Variants in DMD observed in about 807,000 individuals in gnomAD.
DMD encodes the protein dystrophin.
A neutral mutation model predicts 330.1 loss-of-function variants in DMD; 63 were observed. That is an observed-to-expected ratio of 0.19 (90% CI 0.16 to 0.24). The LOEUF is 0.24. DMD is among the 10% of genes least tolerant of loss of function. DMD has a pLI of 1.00. For synonymous variants in DMD, 1,223 were observed against 959.8 expected, an observed-to-expected ratio of 1.27 and a Z score of -5.07; for missense variants, 3,344 against 2,684.1, an observed-to-expected ratio of 1.25 and a Z score of -5.43.
chrX:32,171,279 C>T (rs1005368664), intron 44 of DMD, among the ~76,000 whole-genome samples: 13 of 111,475 alleles, frequency 1.2e-4, no homozygotes, highest in South Asian at 3.8e-4. Context: ...TCTGTTAATA[C>T]GGCTGACACA....
intron 9 of DMD, among the ~76,000 whole-genome samples, chrX:32,687,765 G>T (rs547404453): frequency 9.0e-6 from 1 of 110,912 alleles, no homozygotes; most frequent in South Asian, 3.9e-4. Context: ...AACGAATGTT[G>T]TTTTTATAAG....
In DMD at chrX:32,089,045, G is replaced by C. The variant is rs1286522486; in HGVS notation, c.6439-120531C>G. 2.1e-4 allele frequency among the ~76,000 whole-genome samples: 23 copies of C among 111,643 alleles called. No homozygotes were observed. In the Admixed American group the frequency reaches 2.2e-3, roughly 11 times the overall value. ...ATATTTAGGTATCCCTTTGCTTAAA[G>C]ACAAAGTATTTGTTATTGGAATTGA... On this transcript the variant is annotated intron_variant, in intron 44 of 78. Transcript: ENST00000357033.
chrX:32,463,408 G>C, intron 25 of DMD, 31 bp downstream of exon 25: 1 of 1,162,878 alleles, frequency 8.6e-7, no homozygotes, highest in Middle Eastern at 2.4e-4. Context: ...AGTACGTTGA[G>C]GCAAGCCACA....
chrX:31,799,827 T>C (rs1357676230), intron 50 of DMD, among the ~76,000 whole-genome samples: 1 of 112,183 alleles, frequency 8.9e-6, no homozygotes, highest in African/African-American at 3.2e-5. Context: ...CTGTTCCGAA[T>C]GGGAGAAATT....
At chrX:31,692,861 C>T (rs2404957) in intron 52 of DMD, among the ~76,000 whole-genome samples, 46,487 of 110,238 alleles carry the variant, frequency 0.42, 7,981 homozygotes, top group African/African-American at 0.62. Context: ...GAAGACCTAA[C>T]ACAAATCTTT....
chrX:32,324,323 C>T (rs12394015), intron 41 of DMD, among the ~76,000 whole-genome samples: 1,861 of 110,899 alleles, frequency 0.017, 42 homozygotes, highest in African/African-American at 0.056. Context: ...ATGCACACTC[C>T]ATCTATAGGC....
intron 5 of DMD, among the ~76,000 whole-genome samples, chrX:32,819,005 G>GT (rs55923814): frequency 0.11 from 7,543 of 69,774 alleles, 722 homozygotes; most frequent in African/African-American, 0.26. Context: ...TTCTACAGGT[G>GT]TTTTTTTTTT....
intron 9 of DMD, among the ~76,000 whole-genome samples, chrX:32,646,173 C>T (rs762966058): frequency 6.7e-4 from 75 of 111,588 alleles, no homozygotes; most frequent in South Asian, 1.1e-3. Flanking sequence ...GATTTGCATG[C>T]TATAGGAACC....
At position 32,343,291 on chromosome X, in the gene DMD, T is replaced by A. The variant is rs1302405925; in HGVS notation, c.5587-5A>T. 1 of 1,196,424 alleles carries A rather than the reference T, an allele frequency of 8.4e-7. No homozygotes were observed. The highest frequency in any genetic ancestry group is 1.1e-6 in the Non-Finnish European group (1 of 883,368). Reference sequence around the variant, plus strand: ...TCTTCTTTGAGACCTCAAATCCTGTTCATGGTGCAGACATTATTAAAATAT... The same window carrying A: ...TCTTCTTTGAGACCTCAAATCCTGTACATGGTGCAGACATTATTAAAATAT... On this transcript the variant is annotated splice_region_variant and splice_polypyrimidine_tract_variant and intron_variant, in intron 39 of 78. Coordinates refer to ENST00000357033, the MANE Select transcript of DMD (RefSeq NM_004006.3).
intron 9 of DMD, among the ~76,000 whole-genome samples, chrX:32,662,877 C>T (rs1466641976): frequency 2.7e-5 from 3 of 111,949 alleles, no homozygotes; most frequent in Admixed American, 1.9e-4. Context: ...TTAATGTATA[C>T]TGTGGCAATT....
intron 60 of DMD, among the ~76,000 whole-genome samples, chrX:31,351,746 C>CAAAAAAAAAAAAAAAAAAAA (rs1300313892): frequency 2.8e-5 from 2 of 71,556 alleles, no homozygotes; most frequent in African/African-American, 1.1e-4. Context: ...AAAAAAAAAG[C>CAAAAAAAAAAAAAAAAAAAA]AAAAAAGGAG....
intron 7 of DMD, among the ~76,000 whole-genome samples, chrX:32,796,882 A>G (rs954402864): frequency 8.9e-6 from 1 of 112,120 alleles, no homozygotes; most frequent in Non-Finnish European, 1.9e-5. Flanking sequence ...TTTCCCTCTT[A>G]TAAGATTTAA....
intron 60 of DMD, among the ~76,000 whole-genome samples, chrX:31,416,921 TCTC>T (rs2061900542): frequency 1.8e-5 from 2 of 112,094 alleles, no homozygotes; most frequent in African/African-American, 6.5e-5. Context: ...GATTTTCTAA[TCTC>T]CTCATTTATA....
chrX:32,160,183 T>C (rs73456175), intron 44 of DMD, among the ~76,000 whole-genome samples: 24,008 of 109,320 alleles, frequency 0.22, 2,999 homozygotes, highest in African/African-American at 0.46. Flanking sequence ...ATTCATTCAA[T>C]GAACATTTAT....
chrX:31,806,434 A>G (rs774068857), intron 50 of DMD, among the ~76,000 whole-genome samples: 1 of 112,453 alleles, frequency 8.9e-6, no homozygotes, highest in Non-Finnish European at 1.9e-5. Context: ...GGGAAATTTT[A>G]GATAATATAT....
intron 1 of DMD, among the ~76,000 whole-genome samples, chrX:33,271,157 C>G (rs2148913356): frequency 9.0e-6 from 1 of 111,233 alleles, no homozygotes; most frequent in South Asian, 3.8e-4. Context: ...TGCTAAGTTA[C>G]AGTTCCAACA....
intron 60 of DMD, among the ~76,000 whole-genome samples, chrX:31,404,693 G>C (rs957611844): frequency 1.8e-5 from 2 of 111,776 alleles, no homozygotes; most frequent in African/African-American, 6.5e-5. Context: ...CATAACTGTA[G>C]TCAGCAATTT....
chrX:32,376,904 A>G (rs1265805759), intron 34 of DMD, among the ~76,000 whole-genome samples: 1 of 111,478 alleles, frequency 9.0e-6, no homozygotes, highest in Non-Finnish European at 1.9e-5. Flanking sequence ...TGAACTTTAA[A>G]TATGCTTATA....
intron 43 of DMD, among the ~76,000 whole-genome samples, chrX:32,262,967 C>T (rs1239934291): frequency 9.0e-6 from 1 of 111,666 alleles, no homozygotes; most frequent in Non-Finnish European, 1.9e-5. Context: ...AATCCTGCTG[C>T]CTTTACTCCC....
Sources: gnomAD v4.1 joint callset for allele counts (sites outside exome capture counted in the v4.1 genomes callset) on GRCh38, gnomAD v4.1.1 for gene constraint, MANE v1.5 for transcripts, NCBI Gene and HGNC (gene_info 2026-07-23, HGNC 2026-07-21) for gene names.